Variants in EXOC4 observed in about 807,000 individuals in gnomAD.
EXOC4 encodes SEC8-like 1.
EXOC4 carries 71 observed loss-of-function variants against 107.2 expected under a neutral mutation model. That is an observed-to-expected ratio of 0.66 (90% confidence interval 0.55 to 0.81). The LOEUF (loss-of-function observed/expected upper bound fraction) is 0.81. EXOC4 is among the 30% of genes least tolerant of loss of function. EXOC4 has a pLI of 0.00. For missense variants in EXOC4, 1,108 were observed against 1,189.6 expected, an observed-to-expected ratio of 0.93 and a Z score of 1.01; for synonymous variants, 456 against 441.2, an observed-to-expected ratio of 1.03 and a Z score of -0.42.
At chr7:133,987,344 C>A (rs1431596395) in intron 14 of EXOC4, among the ~76,000 whole-genome samples, 4 of 75,168 alleles carry the variant, frequency 5.3e-5, no homozygotes, top group Non-Finnish European at 1.0e-4. Context: ...CACCTGTAAT[C>A]CCAGCTACTT....
At chr7:133,405,232 A>C (rs1244435933) in intron 7 of EXOC4, among the ~76,000 whole-genome samples, 1 of 152,170 alleles carries the variant, frequency 6.6e-6, no homozygotes, top group African/African-American at 2.4e-5. Flanking sequence ...ATGTAGAGCA[A>C]ATATCAATAA....
In EXOC4 at chr7:133,965,727, G is replaced by A. The variant is rs559505961; in HGVS notation, c.2206+27658G>A. On this transcript the variant is annotated intron_variant, in intron 14 of 17. Transcript: ENST00000253861. ...GTACCATGCTGTTTTGGTTACTGTA[G>A]CCTTGTAGTATAGTTTGAAGTCAGG... Among the ~76,000 whole-genome samples, 147 of 152,264 alleles carry A rather than the reference G, an allele frequency of 9.7e-4. No homozygotes were observed. In the South Asian group the frequency reaches 0.018, roughly 19 times the overall value.
At chr7:133,699,986 C>T (rs189774937) in intron 10 of EXOC4, among the ~76,000 whole-genome samples, 2 of 152,184 alleles carry the variant, frequency 1.3e-5, no homozygotes, top group East Asian at 3.9e-4. Flanking sequence ...TACAGATTGT[C>T]CCTTAGATTT....
chr7:133,883,700 CTTTTG>C (rs1799016359), intron 11 of EXOC4, among the ~76,000 whole-genome samples: 1 of 152,014 alleles, frequency 6.6e-6, no homozygotes, highest in Non-Finnish European at 1.5e-5. Flanking sequence ...GTGTTCATGT[CTTTTG>C]ATTGACATGA....
chr7:133,658,836 A>G (rs1585059804), intron 10 of EXOC4, among the ~76,000 whole-genome samples: 1 of 152,222 alleles, frequency 6.6e-6, no homozygotes, highest in East Asian at 1.9e-4. Flanking sequence ...CTCAATGCAT[A>G]GTTTATGGAG....
intron 7 of EXOC4, among the ~76,000 whole-genome samples, chr7:133,455,797 C>T (rs181077103): frequency 2.6e-4 from 39 of 152,256 alleles, no homozygotes; most frequent in Non-Finnish European, 4.9e-4. Flanking sequence ...AAAGATTGAA[C>T]GATCTATCTG....
chr7:133,781,693 C>T (rs73152983), intron 10 of EXOC4, among the ~76,000 whole-genome samples: 18,758 of 152,218 alleles, frequency 0.12, 1,254 homozygotes, highest in Middle Eastern at 0.15. Context: ...CTGCCTTGCA[C>T]TGGGCCTTCT....
chr7:133,512,471 C>T (rs1162023331), intron 9 of EXOC4, among the ~76,000 whole-genome samples: 3 of 151,890 alleles, frequency 2.0e-5, no homozygotes, highest in East Asian at 3.9e-4. Flanking sequence ...CTAGCCTAGT[C>T]TACAGAGTCA....
chr7:133,300,783 C>T (rs1003229824), intron 3 of EXOC4, among the ~76,000 whole-genome samples: 3 of 152,154 alleles, frequency 2.0e-5, no homozygotes, highest in Admixed American at 6.5e-5. Flanking sequence ...CTTGCTGCTA[C>T]AGCTGTTAGG....
intron 11 of EXOC4, among the ~76,000 whole-genome samples, chr7:133,879,357 G>A (rs1358088414): frequency 6.6e-6 from 1 of 152,088 alleles, no homozygotes; most frequent in Non-Finnish European, 1.5e-5. Flanking sequence ...GCCTCCCTAA[G>A]TGCTGGGATT....
At chr7:133,601,212 G>A (rs930674020) in intron 9 of EXOC4, among the ~76,000 whole-genome samples, 3 of 151,944 alleles carry the variant, frequency 2.0e-5, no homozygotes, top group African/African-American at 7.3e-5. Context: ...TGAAATGCTG[G>A]ATTTTGTTGT....
At chr7:133,933,718 G>A (rs1341955388) in intron 13 of EXOC4, among the ~76,000 whole-genome samples, 2 of 152,146 alleles carry the variant, frequency 1.3e-5, no homozygotes, top group Non-Finnish European at 2.9e-5. Flanking sequence ...CAAGCCTGGA[G>A]CCACCAGTCC....
intron 14 of EXOC4, among the ~76,000 whole-genome samples, chr7:133,966,308 T>C (rs1801064470): frequency 6.6e-6 from 1 of 152,230 alleles, no homozygotes; most frequent in South Asian, 2.1e-4. Flanking sequence ...CCTATTTGAA[T>C]ATGCTTTATT....
intron 17 of EXOC4, among the ~76,000 whole-genome samples, chr7:134,045,826 G>A (rs1795637708): frequency 6.6e-6 from 1 of 152,060 alleles, no homozygotes; most frequent in African/African-American, 2.4e-5. Context: ...TTCTGTCTCT[G>A]TGGGTTTGCC....
chr7:133,764,527 G>A (rs1214141600), intron 10 of EXOC4, among the ~76,000 whole-genome samples: 2 of 152,050 alleles, frequency 1.3e-5, no homozygotes, highest in African/African-American at 4.8e-5. Flanking sequence ...AGGCAAAGGT[G>A]ACACTGGAAA....
intron 10 of EXOC4, among the ~76,000 whole-genome samples, chr7:133,736,852 C>G (rs1251393193): frequency 6.6e-6 from 1 of 152,180 alleles, no homozygotes; most frequent in Non-Finnish European, 1.5e-5. Context: ...ACCCAGAATC[C>G]TCAAAACAAA....
At chr7:133,292,102 T>G (rs1406981133) in intron 3 of EXOC4, among the ~76,000 whole-genome samples, 2 of 152,160 alleles carry the variant, frequency 1.3e-5, no homozygotes, top group East Asian at 3.9e-4. Flanking sequence ...CCCAGCACTT[T>G]GGGAGGCTGA....
At chr7:133,844,429 C>T (rs181304596) in intron 11 of EXOC4, among the ~76,000 whole-genome samples, 4 of 106,974 alleles carry the variant, frequency 3.7e-5, no homozygotes, top group South Asian at 3.3e-4. Flanking sequence ...CTTGCTCTGT[C>T]GCCAGACTGG....
At chr7:133,405,750 T>C (rs946080857) in intron 7 of EXOC4, among the ~76,000 whole-genome samples, 1 of 152,200 alleles carries the variant, frequency 6.6e-6, no homozygotes, top group Non-Finnish European at 1.5e-5. Flanking sequence ...ATAACAATGA[T>C]AGTAGTATGC....
Sources: allele counts gnomAD v4.1 joint callset (sites outside exome capture counted in the v4.1 genomes callset), GRCh38; gene constraint gnomAD v4.1.1; transcripts MANE v1.5; gene names NCBI Gene and HGNC (gene_info 2026-07-23, HGNC 2026-07-21).